Variants in CMIP observed in about 807,000 individuals in gnomAD.
The protein encoded by CMIP is C-Maf-inducing protein.
Under a neutral mutation model 97.3 loss-of-function variants are expected in CMIP, and 13 were observed. The observed-to-expected ratio is 0.13, with a 90% confidence interval of 0.09 to 0.21. The LOEUF (loss-of-function observed/expected upper bound fraction) is 0.21. Among genes scored for constraint, CMIP ranks in the 10% least tolerant of loss-of-function variants. CMIP has a pLI of 1.00. For missense variants in CMIP, 847 were observed against 1,024.9 expected (o/e 0.83, Z 2.37); for synonymous variants, 538 against 436.3 (o/e 1.23, Z -2.91).
chr16:81,553,798 A>T (rs1343802499), intron 1 of CMIP, among the ~76,000 whole-genome samples: 1 of 152,210 alleles, frequency 6.6e-6, no homozygotes, highest in African/African-American at 2.4e-5. Flanking sequence ...GCAAAGAAGG[A>T]GGCATGAGCT....
chr16:81,690,675 A>C (rs945172730), intron 10 of CMIP, among the ~76,000 whole-genome samples: 35 of 152,182 alleles, frequency 2.3e-4, no homozygotes, highest in African/African-American at 7.7e-4. Context: ...GGCCTATCCC[A>C]GCACTTTGGG....
intron 1 of CMIP, among the ~76,000 whole-genome samples, chr16:81,513,916 A>T (rs1457286585): frequency 6.6e-6 from 1 of 152,310 alleles, no homozygotes; most frequent in South Asian, 2.1e-4. Context: ...TAGGTGGGGC[A>T]TTCTTGCCCC....
In CMIP at chr16:81,571,587, CAA is replaced by C. The variant is rs397854647; in HGVS notation, c.301-35957_301-35956del. Among the ~76,000 whole-genome samples the C allele has an allele frequency of 5.8e-3, 511 of 87,442 alleles. 1 individual carries two copies. The highest frequency in any genetic ancestry group is 0.015 in the African/African-American group (312 of 21,242). The allele number at this position is 87,442 out of a possible 152,430, so 57.4% of individuals were successfully genotyped here. A position where few individuals can be genotyped will look rare whatever the true frequency, so the allele number is the denominator to read the frequency against. On this transcript the variant is annotated intron_variant, in intron 1 of 20. Transcript: ENST00000537098. ...CAACATAGTGAGATCTCATCTCTAC[CAA>C]AAAAAAAAAAAAAAAAAAAAAATTA...
At chr16:81,670,017 A>G (rs1337459323) in intron 7 of CMIP, 125 bp from the exon 8 acceptor site, 3 of 844,310 alleles carry the variant, frequency 3.6e-6, no homozygotes, top group African/African-American at 1.7e-5. Flanking sequence ...GTGTCTCCCC[A>G]TTGCCTTCCA....
chr16:81,512,114 C>CT (rs1308636139), intron 1 of CMIP, among the ~76,000 whole-genome samples: 1 of 152,076 alleles, frequency 6.6e-6, no homozygotes, highest in South Asian at 2.1e-4. Context: ...ACCTGTTTTA[C>CT]TTTTTTAAAA....
At chr16:81,461,356 T>G (rs1451491721) in intron 1 of CMIP, among the ~76,000 whole-genome samples, 2 of 152,196 alleles carry the variant, frequency 1.3e-5, no homozygotes, top group Admixed American at 6.5e-5. Context: ...CCAGCCATAG[T>G]TGGAAGAGAA....
At chr16:81,665,955 A>G (rs2092598636) in intron 7 of CMIP, 1 of 152,228 alleles carries the variant, frequency 6.6e-6, no homozygotes, top group Non-Finnish European at 1.5e-5. Flanking sequence ...TGCAAACTGT[A>G]AATGAATTGT....
chr16:81,466,918 C>T (rs1277894864), intron 1 of CMIP, among the ~76,000 whole-genome samples: 1 of 152,204 alleles, frequency 6.6e-6, no homozygotes, highest in Non-Finnish European at 1.5e-5. Flanking sequence ...AGTTATGTGG[C>T]AGGGCTAGAC....
intron 1 of CMIP, among the ~76,000 whole-genome samples, chr16:81,580,226 G>A (rs1362161594): frequency 1.3e-5 from 2 of 152,154 alleles, no homozygotes; most frequent in Non-Finnish European, 2.9e-5. Flanking sequence ...GCAGGGCCGT[G>A]ATCAGACCCC....
chr16:81,700,033 T>C (rs1294870960), intron 15 of CMIP, among the ~76,000 whole-genome samples: 2 of 152,196 alleles, frequency 1.3e-5, no homozygotes, highest in South Asian at 2.1e-4. Flanking sequence ...GGGACGCTTC[T>C]GTTCTGCTCA....
intron 1 of CMIP, among the ~76,000 whole-genome samples, chr16:81,514,494 C>T (rs967302397): frequency 3.3e-5 from 5 of 152,198 alleles, no homozygotes; most frequent in Non-Finnish European, 7.3e-5. Context: ...AAGTGGTTTG[C>T]GCTCACTGAG....
At chr16:81,706,178 G>A (rs975683125) in intron 19 of CMIP, among the ~76,000 whole-genome samples, 2 of 152,240 alleles carry the variant, frequency 1.3e-5, no homozygotes, top group African/African-American at 2.4e-5. Context: ...TATTGAGCCC[G>A]GGATTCTGTA....
intron 1 of CMIP, among the ~76,000 whole-genome samples, chr16:81,546,953 G>A (rs563937196): frequency 1.3e-5 from 2 of 152,300 alleles, no homozygotes; most frequent in South Asian, 2.1e-4. Context: ...CCTGCATCGC[G>A]AGAGCTCCCT....
At chr16:81,645,386 G>T (rs577602990) in intron 3 of CMIP, 3 of 1,459,962 alleles carry the variant, frequency 2.1e-6, no homozygotes, top group Non-Finnish European at 2.7e-6. Context: ...CAGAGGCTGC[G>T]GCAGCAGCAG....
rs778606374 is a variant in CMIP at position 81,695,275 on chromosome 16, T to C, written c.1531-1285T>C. On this transcript the variant is annotated intron_variant, in intron 13 of 20. Transcript: ENST00000537098. ...TCTTTCTCCCTTCCCTTCTACCTTC[T>C]CCTTCCTAAATGAAGCCAAAGTTGT... Among the ~76,000 whole-genome samples the C allele has an allele frequency of 2.7e-4, 41 of 152,352 alleles. No individual in the cohort carries two copies. The Middle Eastern group carries it at 0.01, about 38-fold the overall frequency.
chr16:81,445,678 A>G (rs1905787521), intron 1 of CMIP, 137 bp downstream of exon 1: 1 of 1,005,572 alleles, frequency 9.9e-7, no homozygotes, highest in African/African-American at 1.6e-5. Context: ...GGGGAGAACC[A>G]GGGCGCCTCG....
intron 1 of CMIP, among the ~76,000 whole-genome samples, chr16:81,450,651 A>G (rs1169350732): frequency 6.6e-6 from 1 of 152,200 alleles, no homozygotes; most frequent in Non-Finnish European, 1.5e-5. Flanking sequence ...TGAATAGTGC[A>G]TTGGGGAAAG....
chr16:81,701,884 G>C (rs1268848281), intron 16 of CMIP, 84 bp downstream of exon 16: 63 of 1,499,830 alleles, frequency 4.2e-5, no homozygotes. Context: ...CTAGTACTTG[G>C]ACCTGAGTGG....
intron 1 of CMIP, among the ~76,000 whole-genome samples, chr16:81,593,685 C>G (rs1429453411): frequency 6.6e-6 from 1 of 152,206 alleles, no homozygotes; most frequent in African/African-American, 2.4e-5. Flanking sequence ...GGGCATTGAG[C>G]TCATTGGCCG....
Sources: gnomAD v4.1 joint callset for allele counts (sites outside exome capture counted in the v4.1 genomes callset) on GRCh38, gnomAD v4.1.1 for gene constraint, MANE v1.5 for transcripts, NCBI Gene and HGNC (gene_info 2026-07-23, HGNC 2026-07-21) for gene names.